Variants in NKAIN2 observed in about 807,000 individuals in gnomAD.
The protein encoded by NKAIN2 is sodium/potassium transporting ATPase interacting 2.
Under a neutral mutation model 32.6 loss-of-function variants are expected in NKAIN2, and 14 were observed. The ratio of observed to expected loss-of-function variants is 0.43; its 90% CI spans 0.28 to 0.67. NKAIN2 has a LOEUF of 0.67. Ranked by LOEUF, NKAIN2 falls within the 30% of genes least tolerant of loss-of-function variation. The probability of loss-of-function intolerance (pLI) is 0.17; values close to 1 mark genes in which losing one functional copy is unlikely to be tolerated. For synonymous variants in NKAIN2, 80 were observed against 87.2 expected (o/e 0.92, Z 0.46); for missense variants, 198 against 258.3 (o/e 0.77, Z 1.60).
intron 2 of NKAIN2, among the ~76,000 whole-genome samples, chr6:124,323,030 T>A (rs1583047411): frequency 6.6e-6 from 1 of 152,370 alleles, no homozygotes; most frequent in East Asian, 1.9e-4. Flanking sequence ...TGGCTAGTGA[T>A]ACTGAAAATG....
chr6:124,088,236 A>G (rs1291538566), intron 1 of NKAIN2, among the ~76,000 whole-genome samples: 1 of 151,828 alleles, frequency 6.6e-6, no homozygotes, highest in East Asian at 1.9e-4. Context: ...TGGGTAACAC[A>G]GTAAGATTCC....
intron 1 of NKAIN2, among the ~76,000 whole-genome samples, chr6:123,970,252 T>C (rs185607104): frequency 2.4e-3 from 358 of 152,226 alleles, no homozygotes; most frequent in African/African-American, 8.1e-3. Context: ...TTTTGCAAAG[T>C]TTCACTCCTG....
At chr6:124,255,671 G>A (rs759752410) in intron 1 of NKAIN2, among the ~76,000 whole-genome samples, 5 of 152,184 alleles carry the variant, frequency 3.3e-5, no homozygotes, top group African/African-American at 4.8e-5. Context: ...GCCTATCACC[G>A]TCAGTGATCA....
At chr6:124,109,098 A>T (rs1413320088) in intron 1 of NKAIN2, among the ~76,000 whole-genome samples, 1 of 151,910 alleles carries the variant, frequency 6.6e-6, no homozygotes, top group Non-Finnish European at 1.5e-5. Flanking sequence ...AAATTATGCC[A>T]TTGGAATTTT....
At chr6:124,530,641 C>T (rs576563326) in intron 3 of NKAIN2, among the ~76,000 whole-genome samples, 1 of 152,286 alleles carries the variant, frequency 6.6e-6, no homozygotes, top group South Asian at 2.1e-4. Context: ...TCAAGTCCCA[C>T]CATTTACTCT....
intron 1 of NKAIN2, among the ~76,000 whole-genome samples, chr6:124,116,582 A>ATTGTTT (rs952224598): frequency 2.6e-5 from 4 of 152,182 alleles, no homozygotes; most frequent in African/African-American, 7.2e-5. Context: ...TGAAAAAAAC[A>ATTGTTT]TTGTTTTTGT....
At chr6:124,434,548 G>T (rs1775356020) in intron 3 of NKAIN2, among the ~76,000 whole-genome samples, 1 of 152,102 alleles carries the variant, frequency 6.6e-6, no homozygotes, top group South Asian at 2.1e-4. Context: ...GAACATGTGG[G>T]AAATCTGGGC....
chr6:124,799,548 T>C (rs1032676195), intron 5 of NKAIN2, among the ~76,000 whole-genome samples: 3 of 152,210 alleles, frequency 2.0e-5, no homozygotes, highest in Admixed American at 2.0e-4. Context: ...AGAAGCTGAT[T>C]CATTCTCTCT....
At chr6:124,360,783 T>C (rs1032676544) in intron 3 of NKAIN2, among the ~76,000 whole-genome samples, 2 of 152,164 alleles carry the variant, frequency 1.3e-5, no homozygotes, top group African/African-American at 4.8e-5. Flanking sequence ...AAACTAAATA[T>C]CCTAAAGCAT....
At chr6:124,074,269 C>G (rs1406513951) in intron 1 of NKAIN2, among the ~76,000 whole-genome samples, 1 of 152,060 alleles carries the variant, frequency 6.6e-6, no homozygotes, top group Non-Finnish European at 1.5e-5. Context: ...CTGGCATGTA[C>G]CAGAATTTCA....
intron 3 of NKAIN2, among the ~76,000 whole-genome samples, chr6:124,501,932 T>G (rs150644277): frequency 0.015 from 2,314 of 151,904 alleles, 64 homozygotes; most frequent in African/African-American, 0.053. Flanking sequence ...AAAACCCCAT[T>G]TCCAATTAAA....
At chr6:124,409,926 G>A (rs1311916420) in intron 3 of NKAIN2, among the ~76,000 whole-genome samples, 5 of 152,154 alleles carry the variant, frequency 3.3e-5, no homozygotes, top group African/African-American at 1.2e-4. Context: ...TCTTGGGAGG[G>A]TGTATGTGTC....
intron 3 of NKAIN2, among the ~76,000 whole-genome samples, chr6:124,392,401 C>T (rs1181750463): frequency 6.6e-6 from 1 of 152,114 alleles, no homozygotes; most frequent in Non-Finnish European, 1.5e-5. Context: ...TACTTCTTAG[C>T]TACAGGCACA....
At chr6:124,192,072 A>G (rs561098385) in intron 1 of NKAIN2, among the ~76,000 whole-genome samples, 29 of 151,704 alleles carry the variant, frequency 1.9e-4, no homozygotes, top group Admixed American at 1.8e-3. Context: ...TTTTTTTCCT[A>G]TGGTTTTCCT....
intron 4 of NKAIN2, among the ~76,000 whole-genome samples, chr6:124,705,671 T>A (rs556758576): frequency 3.3e-4 from 50 of 152,166 alleles, no homozygotes; most frequent in Admixed American, 9.8e-4. Flanking sequence ...ATTTTCAAAA[T>A]CTATAAAAAC....
intron 3 of NKAIN2, among the ~76,000 whole-genome samples, chr6:124,481,683 C>T (rs1017382326): frequency 6.6e-6 from 1 of 152,034 alleles, no homozygotes; most frequent in African/African-American, 2.4e-5. Flanking sequence ...TGTATTAAAG[C>T]AAGTCATGAC....
chr6:124,155,948 G>T (rs569768468), intron 1 of NKAIN2, among the ~76,000 whole-genome samples: 1 of 150,938 alleles, frequency 6.6e-6, no homozygotes, highest in South Asian at 2.1e-4. Context: ...GCAAATGCTG[G>T]GAAGACAGAG....
intron 1 of NKAIN2, among the ~76,000 whole-genome samples, chr6:123,902,788 G>C (rs150074969): frequency 1.5e-3 from 227 of 152,218 alleles, no homozygotes; most frequent in Non-Finnish European, 2.6e-3. Flanking sequence ...AAAAATACGT[G>C]ATAAACAAAA....
intron 1 of NKAIN2, among the ~76,000 whole-genome samples, chr6:124,093,125 T>G (rs1784502514): frequency 6.6e-6 from 1 of 152,132 alleles, no homozygotes; most frequent in Non-Finnish European, 1.5e-5. Flanking sequence ...CTTAAAACTA[T>G]GGAACCCCCT....
Sources: allele counts gnomAD v4.1 joint callset (sites outside exome capture counted in the v4.1 genomes callset), GRCh38; gene constraint gnomAD v4.1.1; transcripts MANE v1.5; gene names NCBI Gene and HGNC (gene_info 2026-07-23, HGNC 2026-07-21).